SENP6: variants seen among roughly 807,000 people sequenced by gnomAD.
SENP6 encodes sentrin-specific protease 6.
A neutral mutation model predicts 134.5 loss-of-function variants in SENP6; 41 were observed. The ratio of observed to expected loss-of-function variants is 0.30; its 90% CI spans 0.24 to 0.40. The LOEUF is 0.40. Among genes scored for constraint, SENP6 ranks in the 10% least tolerant of loss-of-function variants. The pLI is 1.00. For synonymous variants in SENP6, 395 were observed against 429.8 expected (o/e 0.92, Z 1.00); for missense variants, 1,248 against 1,312.5 (o/e 0.95, Z 0.76).
rs1562073188 is a variant in SENP6 at position 75,705,924 on chromosome 6, C to CTTTTTTTTTTTTTTTTTTTTTTTT, written c.2716+2852_2716+2853insTTTTTTTTTTTTTTTTTTTTTTTT. Among the ~76,000 whole-genome samples, 626 of 89,264 alleles carry CTTTTTTTTTTTTTTTTTTTTTTTT rather than the reference C, an allele frequency of 7.0e-3. 208 individuals carry two copies. Among genetic ancestry groups the CTTTTTTTTTTTTTTTTTTTTTTTT allele is most frequent in the Non-Finnish European group, 0.01 (482 of 46,094 alleles). 58.6% of individuals were successfully genotyped at this position (89,264 alleles called of 152,430 possible). A position where few individuals can be genotyped will look rare whatever the true frequency, so the allele number is the denominator to read the frequency against. On this transcript the variant is annotated intron_variant, in intron 19 of 23. Coordinates refer to ENST00000447266, the MANE Select transcript of SENP6 (RefSeq NM_015571.4). ...AGTGAGTTAGAAAGCTATTTTTGAGCCTTTTTTTTTTTTTTTTTTTTTTTT... is the reference window on the plus strand; with the variant it reads ...AGTGAGTTAGAAAGCTATTTTTGAGCTTTTTTTTTTTTTTTTTTTTTTTTCTTTTTTTTTTTTTTTTTTTTTTTT...
chr6:75,677,053 T>A lies in SENP6; in HGVS notation c.1645T>A (p.Leu549Ile), dbSNP rs1773134651. ...AGATTTAGAAGAACAATATATAATT[T>A]TAATTTTTCAAAATGGCCTTGATCC... ...LTNLEEQYII[L>I]IFQNGLDPPA... The change falls in exon 14 of 24, where the codon TTA (leucine) becomes ATA (isoleucine). Residue 549 changes from leucine (L) to isoleucine (I), a missense_variant. By Grantham distance (5) the Leu-to-Ile change is conservative (BLOSUM62 2). Around this residue, in one of 3 missense-constraint regions of SENP6, gnomAD observed 733 missense variants for 725.4 expected, o/e 1.01. Coordinates refer to ENST00000447266, the MANE Select transcript of SENP6 (RefSeq NM_015571.4). 2 of 1,551,150 alleles carry A rather than the reference T, an allele frequency of 1.3e-6. No individual in the cohort carries two copies. The highest frequency in any genetic ancestry group is 1.8e-6 in the Non-Finnish European group (2 of 1,128,636).
At chr6:75,627,113 A>G (rs1165058480) in intron 3 of SENP6, among the ~76,000 whole-genome samples, 3 of 152,062 alleles carry the variant, frequency 2.0e-5, no homozygotes, top group Middle Eastern at 3.4e-3. Flanking sequence ...ACACACGGAC[A>G]CCAACAAACC....
chr6:75,641,241 A>C (rs141706028), intron 6 of SENP6, among the ~76,000 whole-genome samples: 238 of 152,122 alleles, frequency 1.6e-3, no homozygotes, highest in African/African-American at 5.3e-3. Flanking sequence ...CTGAATGTAC[A>C]TTTTTCTATA....
chr6:75,716,138 G>C lies in SENP6; in HGVS notation c.*544G>C, dbSNP rs1338237656. 6.6e-6 allele frequency: 1 copy of C among 151,876 alleles called. No individual in the cohort carries two copies. Among genetic ancestry groups the C allele is most frequent in the Non-Finnish European group, 1.5e-5 (1 of 67,852 alleles). 9.4% of individuals were successfully genotyped at this position (151,876 alleles called of 1,614,324 possible). The stretch of plus-strand genomic sequence containing the variant: ...CCTTTCAATTCATATACTGCCTTGT[G>C]TTCAGTGAACCCAAGAAATGTAATA... On this transcript the variant is annotated 3_prime_UTR_variant, in exon 24 of 24. Transcript: ENST00000447266.
chr6:75,670,969 A>G (rs572125606), intron 11 of SENP6, among the ~76,000 whole-genome samples: 1 of 150,650 alleles, frequency 6.6e-6, no homozygotes, highest in African/African-American at 2.4e-5. Context: ...AATGAGTTAG[A>G]AAACCTTCCA....
At chr6:75,637,999 G>A (rs983455774) in intron 5 of SENP6, among the ~76,000 whole-genome samples, 11 of 152,128 alleles carry the variant, frequency 7.2e-5, no homozygotes, top group African/African-American at 1.7e-4. Flanking sequence ...AATTACAGGC[G>A]TGTGCCACCA....
At chr6:75,636,451 A>C (rs1213052675) in intron 5 of SENP6, among the ~76,000 whole-genome samples, 4 of 152,172 alleles carry the variant, frequency 2.6e-5, no homozygotes, top group African/African-American at 9.7e-5. Flanking sequence ...TTCCTTCAAA[A>C]ACATTGAATG....
At chr6:75,644,388 G>A (rs1246032605) in intron 6 of SENP6, among the ~76,000 whole-genome samples, 1 of 151,312 alleles carries the variant, frequency 6.6e-6, no homozygotes, top group Non-Finnish European at 1.5e-5. Flanking sequence ...AGACTAAGGA[G>A]ACATGATGAC....
At chr6:75,702,287 G>A (rs181384371) in intron 18 of SENP6, among the ~76,000 whole-genome samples, 77 of 146,774 alleles carry the variant, frequency 5.2e-4, no homozygotes, top group Non-Finnish European at 5.5e-4. Context: ...GCACAATCTC[G>A]GCTCACTGCA....
intron 7 of SENP6, among the ~76,000 whole-genome samples, chr6:75,648,819 G>A (rs1161139402): frequency 6.6e-6 from 1 of 152,074 alleles, no homozygotes; most frequent in Non-Finnish European, 1.5e-5. Flanking sequence ...GCTTTCTGTT[G>A]AAGATCCCTA....
intron 7 of SENP6, among the ~76,000 whole-genome samples, chr6:75,650,084 T>G (rs1770754623): frequency 6.6e-6 from 1 of 152,216 alleles, no homozygotes; most frequent in Admixed American, 6.5e-5. Context: ...TTAGTTTCCT[T>G]AACGATTTTG....
chr6:75,605,323 C>G (rs1753362792), intron 1 of SENP6, among the ~76,000 whole-genome samples: 2 of 152,196 alleles, frequency 1.3e-5, no homozygotes, highest in East Asian at 1.9e-4. Flanking sequence ...GTCAAGGACT[C>G]TGCCTTTATT....
chr6:75,613,927 T>G (rs1386820218), intron 1 of SENP6, among the ~76,000 whole-genome samples: 2 of 152,216 alleles, frequency 1.3e-5, no homozygotes, highest in Admixed American at 1.3e-4. Context: ...CAGAATGATG[T>G]ATTGCATTGA....
At chr6:75,603,976 G>C (rs1186487703) in intron 1 of SENP6, among the ~76,000 whole-genome samples, 1 of 152,192 alleles carries the variant, frequency 6.6e-6, no homozygotes, top group Non-Finnish European at 1.5e-5. Flanking sequence ...GAGGCTGAGA[G>C]GGTGCAGCTT....
At chr6:75,610,077 C>T (rs147182060) in intron 1 of SENP6, among the ~76,000 whole-genome samples, 80 of 152,206 alleles carry the variant, frequency 5.3e-4, no homozygotes, top group Non-Finnish European at 3.5e-4. Flanking sequence ...TGTGAGTCAC[C>T]GCACCTGGCC....
chr6:75,662,221 T>G (rs1325327645), intron 8 of SENP6, among the ~76,000 whole-genome samples: 1 of 152,210 alleles, frequency 6.6e-6, no homozygotes, highest in African/African-American at 2.4e-5. Flanking sequence ...TAATTTGGAA[T>G]TATTTAATTT....
At chr6:75,605,917 G>A (rs614065) in intron 1 of SENP6, among the ~76,000 whole-genome samples, 29,653 of 152,082 alleles carry the variant, frequency 0.19, 3,333 homozygotes, top group African/African-American at 0.3. Context: ...TTAGCATGAT[G>A]TCAGTGGAGA....
intron 5 of SENP6, among the ~76,000 whole-genome samples, chr6:75,639,193 A>T (rs1769836384): frequency 6.6e-6 from 1 of 152,236 alleles, no homozygotes; most frequent in Non-Finnish European, 1.5e-5. Context: ...TATATAAGAA[A>T]TAAATACATA....
rs73456990 is a variant in SENP6, at chr6:75,697,808, C to T, written c.2288+291C>T. 116 of 246,884 alleles carry T rather than the reference C, an allele frequency of 4.7e-4. 2 individuals are homozygous for T. Among genetic ancestry groups the T allele is most frequent in the African/African-American group, 2.5e-3 (113 of 44,992 alleles). 15.3% of individuals were successfully genotyped at this position (246,884 alleles called of 1,614,324 possible). On this transcript the variant is annotated intron_variant, in intron 18 of 23. Coordinates refer to ENST00000447266, the MANE Select transcript of SENP6 (RefSeq NM_015571.4). ...ATGGTGCTTATTGTCTAGCAAGTAA[C>T]CTATAGAAAAGTATTATTTTATACA...
Sources: allele counts gnomAD v4.1 joint callset (sites outside exome capture counted in the v4.1 genomes callset), GRCh38; gene constraint gnomAD v4.1.1; regional missense constraint gnomAD v4.1.1; transcripts MANE v1.5; gene names NCBI Gene and HGNC (gene_info 2026-07-23, HGNC 2026-07-21).